The following FGF12 variants were observed in gnomAD, a reference collection of about 807,000 sequenced individuals.
The protein encoded by FGF12 is fibroblast growth factor 12B.
In FGF12, 14 loss-of-function variants were observed where a neutral mutation model predicts 23.6. The ratio of observed to expected loss-of-function variants is 0.59; its 90% CI spans 0.39 to 0.93. The LOEUF is 0.93. FGF12 is among the 40% of genes least tolerant of loss of function. FGF12 has a pLI of 0.00. For missense variants in FGF12, 175 were observed against 217.8 expected (o/e 0.80, Z 1.24); for synonymous variants, 62 against 77.3 (o/e 0.80, Z 1.04).
chr3:192,518,997 G>A (rs1021230713), intron 2 of FGF12, among the ~76,000 whole-genome samples: 1 of 151,586 alleles, frequency 6.6e-6, no homozygotes, highest in Non-Finnish European at 1.5e-5. Context: ...TTATGCAAAT[G>A]TTATAAAATA....
In FGF12 at chr3:192,597,744, C is replaced by T. The variant is rs570242166; in HGVS notation, c.13+129437G>A. 1.4e-4 allele frequency among the ~76,000 whole-genome samples: 21 copies of T among 152,308 alleles called. No individual in the cohort carries two copies. In the South Asian group the frequency reaches 3.9e-3, roughly 29 times the overall value. On this transcript the variant is annotated intron_variant, in intron 2 of 5. Coordinates refer to ENST00000445105, the MANE Select transcript of FGF12 (RefSeq NM_004113.6). ...GCAAACAGTGCCCTGGCCAGACTTG[C>T]CAGTTACGTGGATGACAAAGCAGAA...
At chr3:192,323,861 C>T (rs1716674415) in intron 4 of FGF12, among the ~76,000 whole-genome samples, 1 of 152,038 alleles carries the variant, frequency 6.6e-6, no homozygotes, top group Admixed American at 6.6e-5. Context: ...GAGGCTGAGG[C>T]AGGCAGATCG....
At chr3:192,201,986 C>A (rs1455795817) in intron 4 of FGF12, among the ~76,000 whole-genome samples, 1 of 152,114 alleles carries the variant, frequency 6.6e-6, no homozygotes, top group Non-Finnish European at 1.5e-5. Context: ...TTCTAATAAT[C>A]TCTTACATAT....
chr3:192,437,250 A>G (rs1722053654), intron 2 of FGF12, among the ~76,000 whole-genome samples: 1 of 152,222 alleles, frequency 6.6e-6, no homozygotes, highest in Non-Finnish European at 1.5e-5. Flanking sequence ...TCTCAAAATC[A>G]TTAGGAAAAT....
chr3:192,140,248 G>A lies in FGF12; in HGVS notation c.*3761C>T, dbSNP rs950344428. On this transcript the variant is annotated 3_prime_UTR_variant, in exon 6 of 6. Transcript: ENST00000445105. The stretch of plus-strand genomic sequence containing the variant: ...TGTAGAACAATCCACTGTTTTAAAT[G>A]TAATTTTGACTTAAAAAATGCTATT... 6.6e-6 allele frequency: 1 copy of A among 151,960 alleles called. No individual in the cohort carries two copies. Among genetic ancestry groups the A allele is most frequent in the Admixed American group, 6.6e-5 (1 of 15,244 alleles). The allele number at this position is 151,960 out of a possible 1,614,324, so 9.4% of individuals were successfully genotyped here. A position where few individuals can be genotyped will look rare whatever the true frequency, so the allele number is the denominator to read the frequency against.
At chr3:192,178,175 C>T (rs1715963270) in intron 4 of FGF12, among the ~76,000 whole-genome samples, 1 of 152,090 alleles carries the variant, frequency 6.6e-6, no homozygotes, top group South Asian at 2.1e-4. Context: ...TGCCAAATTA[C>T]ACAATCTCAA....
chr3:192,679,611 C>T (rs760387087), intron 2 of FGF12, among the ~76,000 whole-genome samples: 4 of 150,896 alleles, frequency 2.7e-5, no homozygotes, highest in African/African-American at 9.9e-5. Flanking sequence ...TTCTCCTCAC[C>T]GTCCCCCACC....
intron 3 of FGF12, among the ~76,000 whole-genome samples, chr3:192,348,507 C>T (rs1525907): frequency 0.42 from 63,580 of 152,044 alleles, 16,989 homozygotes; most frequent in African/African-American, 0.73. Flanking sequence ...ACGTCAAACA[C>T]ATTGAAGAAA....
At position 192,161,887 on chromosome 3, in the gene FGF12, C is replaced by G. The variant is rs542841452; in HGVS notation, c.427+8571G>C. On this transcript the variant is annotated intron_variant, in intron 5 of 5. Coordinates refer to ENST00000445105, the MANE Select transcript of FGF12 (RefSeq NM_004113.6). ...GTAATTTTTAAGTGTCAATGTCACT[C>G]TGTAGTGGAGAGTTGAACAACCTGT... Among the ~76,000 whole-genome samples, 16 of 152,234 alleles carry G rather than the reference C, an allele frequency of 1.1e-4. No individual in the cohort carries two copies. The South Asian group carries it at 3.3e-3, about 32-fold the overall frequency.
chr3:192,238,811 T>C (rs1719445874), intron 4 of FGF12: 1 of 152,184 alleles, frequency 6.6e-6, no homozygotes. Flanking sequence ...CCACATGTAA[T>C]CCTCCTGGAG....
chr3:192,496,878 G>C (rs1723974002), intron 2 of FGF12, among the ~76,000 whole-genome samples: 1 of 152,076 alleles, frequency 6.6e-6, no homozygotes, highest in African/African-American at 2.4e-5. Context: ...CTGGGTTTTT[G>C]GTAGGATTTA....
chr3:192,312,758 A>G (rs1009845031), intron 4 of FGF12, among the ~76,000 whole-genome samples: 1 of 151,886 alleles, frequency 6.6e-6, no homozygotes, highest in Non-Finnish European at 1.5e-5. Context: ...AAAAAAAAAA[A>G]AAATTATGCC....
intron 2 of FGF12, among the ~76,000 whole-genome samples, chr3:192,519,361 A>T (rs369348545): frequency 6.6e-6 from 1 of 152,168 alleles, no homozygotes; most frequent in South Asian, 2.1e-4. Flanking sequence ...GATTTGTCCA[A>T]TGTCTTCTAA....
chr3:192,181,364 GACACACACACACAGAC>G (rs1341097605), intron 4 of FGF12, among the ~76,000 whole-genome samples: 3 of 142,768 alleles, frequency 2.1e-5, no homozygotes, highest in African/African-American at 8.4e-5. Context: ...CACACACACA[GACACACACACACAGAC>G]ACACACACAC....
chr3:192,715,208 C>A (rs1379700129), intron 2 of FGF12, among the ~76,000 whole-genome samples: 1 of 152,166 alleles, frequency 6.6e-6, no homozygotes, highest in Non-Finnish European at 1.5e-5. Context: ...TAAATGAAAT[C>A]ATCACCTACA....
At chr3:192,474,839 C>A (rs1037041984) in intron 2 of FGF12, among the ~76,000 whole-genome samples, 1 of 147,544 alleles carries the variant, frequency 6.8e-6, no homozygotes, top group East Asian at 2.0e-4. Context: ...AAGCTGAGAT[C>A]GTGCCATTGT....
chr3:192,289,549 C>T lies in FGF12; in HGVS notation c.228+45812G>A, dbSNP rs113216227. Among the ~76,000 whole-genome samples the T allele has an allele frequency of 6.8e-3, 1,038 of 152,248 alleles. 8 individuals carry two copies. The highest frequency in any genetic ancestry group is 0.024 in the African/African-American group (1,004 of 41,544). ...TAAGTCGATATGTGTGAGGAAGAGA[C>T]TGGAATCTTGCTGGGTACTGCACAG... On this transcript the variant is annotated intron_variant, in intron 4 of 5. Transcript: ENST00000445105.
At chr3:192,249,320 C>G (rs1711846576) in intron 4 of FGF12, among the ~76,000 whole-genome samples, 1 of 152,138 alleles carries the variant, frequency 6.6e-6, no homozygotes, top group African/African-American at 2.4e-5. Context: ...ATATACAATA[C>G]TGCATGCAGC....
chr3:192,404,676 C>A (rs1389201603), intron 2 of FGF12, among the ~76,000 whole-genome samples: 4 of 152,114 alleles, frequency 2.6e-5, no homozygotes, highest in Admixed American at 2.6e-4. Context: ...CAGAAATGTT[C>A]TAAAGGCTTT....
Sources: allele counts gnomAD v4.1 joint callset (sites outside exome capture counted in the v4.1 genomes callset), GRCh38; gene constraint gnomAD v4.1.1; transcripts MANE v1.5; gene names NCBI Gene and HGNC (gene_info 2026-07-23, HGNC 2026-07-21).